Variants in JHY observed in about 807,000 individuals in gnomAD.
JHY encodes jhy protein homolog.
Under a neutral mutation model 78.0 loss-of-function variants are expected in JHY, and 69 were observed. The observed-to-expected ratio is 0.88, with a 90% CI of 0.73 to 1.08. JHY has a LOEUF of 1.08. JHY is among the 50% of genes least tolerant of loss of function. The pLI is 0.00. For missense variants in JHY, 944 were observed against 927.8 expected, an observed-to-expected ratio of 1.02 and a Z score of -0.23; for synonymous variants, 368 against 342.6, an observed-to-expected ratio of 1.07 and a Z score of -0.82.
At chr11:122,946,920 TCCTAA>T in intron 6 of JHY, 128 bp downstream of exon 6, 1 of 1,123,230 alleles carries the variant, frequency 8.9e-7, no homozygotes, top group Non-Finnish European at 1.2e-6. Flanking sequence ...TCGCCCAGAG[TCCTAA>T]GGAGTTTCTT....
intron 2 of JHY, among the ~76,000 whole-genome samples, chr11:122,897,695 T>A (rs1465402151): frequency 1.3e-5 from 2 of 152,212 alleles, no homozygotes; most frequent in Non-Finnish European, 2.9e-5. Flanking sequence ...ACCAAAATAA[T>A]CCATATTATC....
intron 4 of JHY, 37 bp downstream of exon 4, chr11:122,925,047 C>G (rs368571347): frequency 1.4e-6 from 2 of 1,425,536 alleles, no homozygotes; most frequent in Admixed American, 1.7e-5. Flanking sequence ...GTGTTTCAAG[C>G]GATACTGCTG....
Position 122,904,135 on chromosome 11 carries a change from G to C in JHY, c.555G>C (p.Gln185His), listed in dbSNP as rs1161539217. Residue 185 changes from glutamine to histidine, a missense_variant, in exon 3 of 9, where the codon CAG (glutamine) becomes CAC (histidine). Gln to His is a conservative substitution (Grantham distance 24). Transcript: ENST00000227349. ...GGKGEQKESPQSAASLLGSEF... is the reference protein window; with the variant it reads ...GGKGEQKESPHSAASLLGSEF... ...AAGGCGAGCAGAAAGAGAGTCCACA[G>C]AGTGCAGCTTCTTTACTTGGTAGTG... is the stretch of plus-strand genomic sequence containing the variant. 2.5e-6 allele frequency: 4 copies of C among 1,614,052 alleles called. No homozygotes were observed. The highest frequency in any genetic ancestry group is 3.4e-6 in the Non-Finnish European group (4 of 1,180,028).
rs538331853 is a variant in JHY at position 122,963,087 on chromosome 11, T to C, written c.*3642T>C. On this transcript the variant is annotated 3_prime_UTR_variant, in exon 9 of 9. Coordinates refer to ENST00000227349, the MANE Select transcript of JHY (RefSeq NM_024806.4). ...TCTGCCAACTTCCTTACAACATTGA[T>C]AAAAGTAGAATACACATATAAAGCA... 2.0e-5 allele frequency among the ~76,000 whole-genome samples: 3 copies of C among 152,278 alleles called. No homozygotes were observed. In the East Asian group the frequency reaches 5.8e-4, roughly 29 times the overall value.
chr11:122,959,594 G>C lies in JHY; in HGVS notation c.*149G>C. On this transcript the variant is annotated 3_prime_UTR_variant, in exon 9 of 9. Transcript: ENST00000227349. ...TTGCTTTCTGCAGGATTTAAAATATGAGGCCCAATTGGATTATGGTGCCAT... is the reference window on the plus strand; with the variant it reads ...TTGCTTTCTGCAGGATTTAAAATATCAGGCCCAATTGGATTATGGTGCCAT... 1.4e-6 allele frequency: 1 copy of C among 737,594 alleles called. No homozygotes were observed. The highest frequency in any genetic ancestry group is 2.1e-6 in the Non-Finnish European group (1 of 465,374). The allele number at this position is 737,594 out of a possible 1,614,324, so 45.7% of individuals were successfully genotyped here. A position where few individuals can be genotyped will look rare whatever the true frequency, so the allele number is the denominator to read the frequency against.
chr11:122,958,813 G>A (rs975067877), intron 8 of JHY: 4 of 984,796 alleles, frequency 4.1e-6, no homozygotes, highest in Non-Finnish European at 4.8e-6. Context: ...GTATAATGAT[G>A]GGAGCTCAAG....
In JHY at chr11:122,904,081, G is replaced by A. The variant is rs776350330; in HGVS notation, c.501G>A (p.Gln167=). The change falls in exon 3 of 9, where the codon CAG becomes CAA. Residue 167 remains glutamine, a synonymous_variant. Transcript: ENST00000227349. ...NLPLAPLYPS[Q]ETSMELSGGK... The stretch of plus-strand genomic sequence containing the variant: ...CTTTGGCTCCCCTCTACCCTTCCCA[G>A]GAGACGTCAATGGAACTCTCCGGGG... 1 of 1,614,174 alleles carries A rather than the reference G, an allele frequency of 6.2e-7. No individual in the cohort carries two copies. Among genetic ancestry groups the A allele is most frequent in the Non-Finnish European group, 8.5e-7 (1 of 1,180,030 alleles).
chr11:122,937,253 T>G (rs1863775531), intron 5 of JHY, among the ~76,000 whole-genome samples: 1 of 151,572 alleles, frequency 6.6e-6, no homozygotes, highest in Non-Finnish European at 1.5e-5. Context: ...TTTTTTTTTT[T>G]TTTTAATTTT....
intron 3 of JHY, among the ~76,000 whole-genome samples, chr11:122,922,618 G>A (rs1863392747): frequency 1.3e-5 from 2 of 152,002 alleles, no homozygotes; most frequent in African/African-American, 4.8e-5. Flanking sequence ...AGACCATCCT[G>A]GCTAACACGG....
At chr11:122,928,596 T>C (rs1863565924) in intron 4 of JHY, among the ~76,000 whole-genome samples, 1 of 151,930 alleles carries the variant, frequency 6.6e-6, no homozygotes, top group Non-Finnish European at 1.5e-5. Context: ...CAAAAATTCT[T>C]TAAAACAATA....
chr11:122,894,092 G>C (rs183227511), intron 2 of JHY, among the ~76,000 whole-genome samples: 1 of 152,082 alleles, frequency 6.6e-6, no homozygotes, highest in East Asian at 1.9e-4. Flanking sequence ...AGGCTGAGGC[G>C]GGAGGATCAT....
At position 122,918,321 on chromosome 11, in the gene JHY, C is replaced by CA. The variant is rs1254820776; in HGVS notation, c.865-6572dup. 2.0e-5 allele frequency among the ~76,000 whole-genome samples: 3 copies of CA among 151,340 alleles called. 1 individual carries two copies. The highest frequency in any genetic ancestry group is 7.4e-5 in the African/African-American group (3 of 40,734). On this transcript the variant is annotated intron_variant, in intron 3 of 8. Transcript: ENST00000227349. ...CCTGAGGAAGGAGATGGGCAACAGA[C>CA]AAAATAGATAAATTAGTGCATTGGT...
At chr11:122,933,511 G>A (rs938647751) in intron 4 of JHY, among the ~76,000 whole-genome samples, 1 of 152,142 alleles carries the variant, frequency 6.6e-6, no homozygotes, top group African/African-American at 2.4e-5. Context: ...TATACCAGGA[G>A]TACATTTTGT....
At chr11:122,900,216 A>G (rs990705056) in intron 2 of JHY, among the ~76,000 whole-genome samples, 2 of 152,220 alleles carry the variant, frequency 1.3e-5, no homozygotes, top group Non-Finnish European at 2.9e-5. Context: ...CAAAATGACA[A>G]TTCAGCAAGG....
intron 2 of JHY, among the ~76,000 whole-genome samples, chr11:122,890,179 G>A (rs1482015040): frequency 6.6e-6 from 1 of 151,998 alleles, no homozygotes; most frequent in African/African-American, 2.4e-5. Flanking sequence ...AAAGATTAGG[G>A]TTCCTGTAAC....
Position 122,960,109 on chromosome 11 carries a change from C to G in JHY, c.*664C>G, listed in dbSNP as rs1247383474. Reference sequence around the variant, plus strand: ...ATTAGCTAGGCGTGGTGGCGCATGTCTATAGTTCCAGGTACTCAGGAGGCT... The same window carrying G: ...ATTAGCTAGGCGTGGTGGCGCATGTGTATAGTTCCAGGTACTCAGGAGGCT... On this transcript the variant is annotated 3_prime_UTR_variant, in exon 9 of 9. Coordinates refer to ENST00000227349, the MANE Select transcript of JHY (RefSeq NM_024806.4). Among the ~76,000 whole-genome samples the G allele has an allele frequency of 6.6e-6, 1 of 152,018 alleles. No individual in the cohort carries two copies. Among genetic ancestry groups the G allele is most frequent in the Admixed American group, 6.6e-5 (1 of 15,238 alleles).
rs1864066131 is a variant in JHY at position 122,950,575 on chromosome 11, C to T, written c.1929+3783C>T. On this transcript the variant is annotated intron_variant, in intron 6 of 8. Coordinates refer to ENST00000227349, the MANE Select transcript of JHY (RefSeq NM_024806.4). ...ATGACTTGGACAAGTTATTAATTCA[C>T]CTGAGCCCTCATTTCTTCATCTACA... Among the ~76,000 whole-genome samples the T allele has an allele frequency of 1.3e-5, 2 of 151,606 alleles. 1 individual carries two copies. The highest frequency in any genetic ancestry group is 6.3e-3 in the Middle Eastern group (2 of 316).
At chr11:122,891,724 A>G (rs7950748) in intron 2 of JHY, among the ~76,000 whole-genome samples, 1 of 151,976 alleles carries the variant, frequency 6.6e-6, no homozygotes, top group African/African-American at 2.4e-5. Flanking sequence ...CCTCTTGGAT[A>G]GGCATTATTA....
chr11:122,901,639 T>G (rs1862861464), intron 2 of JHY, among the ~76,000 whole-genome samples: 1 of 151,908 alleles, frequency 6.6e-6, no homozygotes, highest in South Asian at 2.1e-4. Context: ...TTTTGGAGGC[T>G]GAGGCAGGCA....
Sources: gnomAD v4.1 joint callset for allele counts (sites outside exome capture counted in the v4.1 genomes callset) on GRCh38, gnomAD v4.1.1 for gene constraint, MANE v1.5 for transcripts, NCBI Gene and HGNC (gene_info 2026-07-23, HGNC 2026-07-21) for gene names.